Variants in PLCB1 observed in about 807,000 individuals in gnomAD.
PLCB1 encodes the protein phospholipase C beta 1.
PLCB1 carries 46 observed loss-of-function variants against 161.8 expected under a neutral mutation model. That is an observed-to-expected ratio of 0.28 (90% confidence interval 0.22 to 0.36). The LOEUF (loss-of-function observed/expected upper bound fraction) is 0.36, where lower values mean the gene tolerates loss of function less well. Ranked by LOEUF, PLCB1 falls within the 10% of genes least tolerant of loss-of-function variation. PLCB1 has a pLI of 1.00. For missense variants in PLCB1, 1,016 were observed against 1,472.5 expected (o/e 0.69, Z 5.07); for synonymous variants, 517 against 503.7 (o/e 1.03, Z -0.35).
chr20:8,281,206 A>C (rs1420358692), intron 2 of PLCB1, among the ~76,000 whole-genome samples: 1 of 152,202 alleles, frequency 6.6e-6, no homozygotes, highest in East Asian at 1.9e-4. Flanking sequence ...GGCATCTATA[A>C]AACAGCTTAT....
intron 3 of PLCB1, among the ~76,000 whole-genome samples, chr20:8,613,411 G>C (rs995909246): frequency 3.3e-5 from 5 of 152,166 alleles, no homozygotes; most frequent in African/African-American, 1.2e-4. Flanking sequence ...GACATTAGCC[G>C]TGTCTGTTAG....
chr20:8,270,702 T>G (rs1982241211), intron 2 of PLCB1, among the ~76,000 whole-genome samples: 1 of 152,152 alleles, frequency 6.6e-6, no homozygotes. Context: ...GTTTTCATTC[T>G]TTGGTATTTA....
chr20:8,555,491 G>C (rs1238427443), intron 3 of PLCB1, among the ~76,000 whole-genome samples: 2 of 152,036 alleles, frequency 1.3e-5, no homozygotes, highest in African/African-American at 2.4e-5. Flanking sequence ...ATGGGATGGG[G>C]CTTCGATTGT....
chr20:8,299,548 A>AC (rs1983800434), intron 2 of PLCB1, among the ~76,000 whole-genome samples: 1 of 152,180 alleles, frequency 6.6e-6, no homozygotes, highest in Non-Finnish European at 1.5e-5. Context: ...TTTCTTCCAT[A>AC]TGCCCCTTTT....
chr20:8,163,946 T>C (rs1010041829), intron 2 of PLCB1, among the ~76,000 whole-genome samples: 1 of 152,106 alleles, frequency 6.6e-6, no homozygotes, highest in Non-Finnish European at 1.5e-5. Context: ...CCTATTGGAG[T>C]GCTGTGGCAT....
intron 10 of PLCB1, among the ~76,000 whole-genome samples, chr20:8,693,458 C>T (rs1042239544): frequency 6.6e-6 from 1 of 152,170 alleles, no homozygotes; most frequent in African/African-American, 2.4e-5. Context: ...ATAATACATT[C>T]TCTGCATTTT....
At chr20:8,535,202 C>CA (rs11323420) in intron 3 of PLCB1, among the ~76,000 whole-genome samples, 7,434 of 50,440 alleles carry the variant, frequency 0.15, 358 homozygotes, top group Non-Finnish European at 0.2. Flanking sequence ...AGTTTATGGG[C>CA]AAAAAAAAAA....
At chr20:8,544,617 A>G (rs1473450867) in intron 3 of PLCB1, among the ~76,000 whole-genome samples, 1 of 152,236 alleles carries the variant, frequency 6.6e-6, no homozygotes, top group Non-Finnish European at 1.5e-5. Flanking sequence ...GACTGCTAAA[A>G]TGGCCTTTTC....
chr20:8,548,728 G>A (rs1019579376), intron 3 of PLCB1, among the ~76,000 whole-genome samples: 2 of 149,248 alleles, frequency 1.3e-5, no homozygotes, highest in South Asian at 2.1e-4. Context: ...TGTAAGCTCC[G>A]TGAGAACAGT....
In PLCB1 at chr20:8,434,733, G is replaced by A. The variant is rs532128535; in HGVS notation, c.246+63283G>A. Reference sequence around the variant, plus strand: ...CACAGCTAATAAGAGCTAGATAGAGGTCTCCTCTAGAGCTCATGAGCTTAA... The same window carrying A: ...CACAGCTAATAAGAGCTAGATAGAGATCTCCTCTAGAGCTCATGAGCTTAA... On this transcript the variant is annotated intron_variant, in intron 3 of 31. Transcript: ENST00000338037. 5.3e-5 allele frequency among the ~76,000 whole-genome samples: 8 copies of A among 152,266 alleles called. No homozygotes were observed. In the East Asian group the frequency reaches 1.5e-3, roughly 29 times the overall value.
At chr20:8,549,182 A>C (rs1339547906) in intron 3 of PLCB1, among the ~76,000 whole-genome samples, 1 of 152,194 alleles carries the variant, frequency 6.6e-6, no homozygotes, top group African/African-American at 2.4e-5. Context: ...AAGAATAACC[A>C]GAAAATAAAT....
chr20:8,625,919 T>G (rs1382607309), intron 3 of PLCB1, among the ~76,000 whole-genome samples: 3 of 152,048 alleles, frequency 2.0e-5, no homozygotes, highest in African/African-American at 7.2e-5. Context: ...ATAAAACACC[T>G]GTAATCCCAG....
At chr20:8,158,550 C>T (rs558285208) in intron 2 of PLCB1, among the ~76,000 whole-genome samples, 1 of 152,160 alleles carries the variant, frequency 6.6e-6, no homozygotes. Context: ...CAAATCATGC[C>T]TTTCCAACAG....
chr20:8,154,598 C>G (rs758319250), intron 2 of PLCB1, among the ~76,000 whole-genome samples: 4 of 152,176 alleles, frequency 2.6e-5, no homozygotes, highest in Non-Finnish European at 5.9e-5. Context: ...TTAAGCCCAA[C>G]CAACAGTAAT....
At chr20:8,813,459 C>T (rs1033732262) in intron 31 of PLCB1, among the ~76,000 whole-genome samples, 2 of 152,088 alleles carry the variant, frequency 1.3e-5, no homozygotes, top group Non-Finnish European at 2.9e-5. Flanking sequence ...TAAACTATTT[C>T]ACCACACTCA....
At chr20:8,503,338 C>G (rs1222821201) in intron 3 of PLCB1, among the ~76,000 whole-genome samples, 1 of 152,230 alleles carries the variant, frequency 6.6e-6, no homozygotes, top group South Asian at 2.1e-4. Flanking sequence ...AGATACTGCC[C>G]ATGGTTTTTC....
intron 3 of PLCB1, among the ~76,000 whole-genome samples, chr20:8,523,496 C>CTCTCTCTCTCTCTCTCTCTATATATA: frequency 1.9e-4 from 10 of 51,650 alleles, no homozygotes; most frequent in Admixed American, 1.7e-3. Context: ...CTCTCTCTCT[C>CTCTCTCTCTCTCTCTCTCTATATATA]TATATATATA....
intron 3 of PLCB1, among the ~76,000 whole-genome samples, chr20:8,509,554 G>C (rs1330152510): frequency 6.6e-6 from 1 of 152,172 alleles, no homozygotes; most frequent in Non-Finnish European, 1.5e-5. Flanking sequence ...TAAAGAGAGA[G>C]TGGATATTTC....
At chr20:8,773,307 T>G (rs1269287511) in intron 26 of PLCB1, among the ~76,000 whole-genome samples, 1 of 152,152 alleles carries the variant, frequency 6.6e-6, no homozygotes, top group African/African-American at 2.4e-5. Context: ...CGGGAAGGGA[T>G]TCCATATAAA....
Sources: gnomAD v4.1 joint callset for allele counts (sites outside exome capture counted in the v4.1 genomes callset) on GRCh38, gnomAD v4.1.1 for gene constraint, MANE v1.5 for transcripts, NCBI Gene and HGNC (gene_info 2026-07-23, HGNC 2026-07-21) for gene names.